USP45: variants seen among roughly 807,000 people sequenced by gnomAD.
USP45 encodes the protein ubiquitin specific peptidase 45.
Under a neutral mutation model 95.8 loss-of-function variants are expected in USP45, and 89 were observed. The ratio of observed to expected loss-of-function variants is 0.93; its 90% CI spans 0.78 to 1.11. The LOEUF is 1.11. Ranked by LOEUF, USP45 falls within the 50% of genes least tolerant of loss-of-function variation. The pLI is 0.00. For synonymous variants in USP45, 281 were observed against 316.2 expected, an observed-to-expected ratio of 0.89 and a Z score of 1.18; for missense variants, 898 against 942.5, an observed-to-expected ratio of 0.95 and a Z score of 0.62.
intron 13 of USP45, among the ~76,000 whole-genome samples, chr6:99,455,903 G>A (rs983736820): frequency 2.0e-5 from 3 of 150,718 alleles, no homozygotes; most frequent in African/African-American, 7.3e-5. Context: ...GGGAGACTGA[G>A]GCGGGTGGAT....
Position 99,468,592 on chromosome 6 carries a change from T to G in USP45, c.960A>C (p.Ala320=). The G allele has an allele frequency of 1.2e-6, 2 of 1,608,966 alleles. No individual in the cohort carries two copies. Among genetic ancestry groups the G allele is most frequent in the Non-Finnish European group, 1.7e-6 (2 of 1,176,856 alleles). The change falls in exon 10 of 18, where the codon GCA becomes GCC. Residue 320 remains alanine, a synonymous_variant. Coordinates refer to ENST00000500704, the MANE Select transcript of USP45 (RefSeq NM_001346022.3). ...CAGTTTTAGTAGTTGGGTTGTTAAA[T>G]GCTTTTAGAATGCTAGCTTGTATTC... The part of the protein sequence containing the change: ...TKRIQASILK[A]FNNPTTKTAD...
At chr6:99,439,270 A>C (rs569823633) in intron 16 of USP45, among the ~76,000 whole-genome samples, 1 of 152,346 alleles carries the variant, frequency 6.6e-6, no homozygotes, top group South Asian at 2.1e-4. Context: ...AGCAATGATA[A>C]GCCAGTCTGC....
intron 15 of USP45, among the ~76,000 whole-genome samples, chr6:99,440,551 C>A (rs747322570): frequency 4.6e-5 from 7 of 152,140 alleles, no homozygotes; most frequent in Non-Finnish European, 7.3e-5. Context: ...ATACCTAAAT[C>A]TGAAATGAAT....
rs187376267 is a variant in USP45, at chr6:99,490,966, C to T, written c.479-2146G>A. Reference sequence around the variant, plus strand: ...CCTGTGCTACAATAGTTTTTATAAACGCTATTAACTGGTTTCCCCCTATTC... The same window carrying T: ...CCTGTGCTACAATAGTTTTTATAAATGCTATTAACTGGTTTCCCCCTATTC... On this transcript the variant is annotated intron_variant, in intron 5 of 17. Transcript: ENST00000500704. Among the ~76,000 whole-genome samples the T allele has an allele frequency of 4.8e-4, 72 of 149,618 alleles. 1 individual carries two copies. The East Asian group carries it at 6.2e-3, about 13-fold the overall frequency.
intron 7 of USP45, among the ~76,000 whole-genome samples, chr6:99,485,824 A>T (rs1793744061): frequency 6.6e-6 from 1 of 152,222 alleles, no homozygotes. Flanking sequence ...GGATAGGTTT[A>T]ACACTTGAAA....
chr6:99,487,507 T>C (rs1407064846), intron 7 of USP45, among the ~76,000 whole-genome samples: 6 of 151,748 alleles, frequency 4.0e-5, no homozygotes, highest in African/African-American at 7.3e-5. Context: ...CCTTTAGATG[T>C]GGCCGGGCGT....
chr6:99,441,596 T>C (rs1348445779), intron 15 of USP45, among the ~76,000 whole-genome samples: 1 of 152,202 alleles, frequency 6.6e-6, no homozygotes, highest in East Asian at 1.9e-4. Flanking sequence ...CTAGCAGGTG[T>C]TACCAACTTA....
At chr6:99,501,073 A>G (rs1213373882) in intron 5 of USP45, among the ~76,000 whole-genome samples, 1 of 152,164 alleles carries the variant, frequency 6.6e-6, no homozygotes, top group East Asian at 1.9e-4. Flanking sequence ...CCATTCACCT[A>G]GCTGTTCAGT....
At chr6:99,463,848 A>G (rs1447631991) in intron 13 of USP45, among the ~76,000 whole-genome samples, 1 of 151,122 alleles carries the variant, frequency 6.6e-6, no homozygotes, top group Admixed American at 6.6e-5. Flanking sequence ...CAATCCATAG[A>G]CCTCTTTTAA....
rs745659900 is a variant in USP45 at position 99,446,085 on chromosome 6, G to A, written c.1687C>T (p.Arg563Cys). The change falls in exon 14 of 18, where the codon CGT becomes TGT. Residue 563 changes from arginine (R) to cysteine (C), a missense_variant. Physicochemically the swap from Arg to Cys is radical, Grantham distance 180 (BLOSUM62 -3). Transcript: ENST00000500704. ...KEMAEAISEL[R>C]LSSTVTGDQD... The stretch of plus-strand genomic sequence containing the variant: ...TCTCCAGTTACAGTGCTGCTCAAAC[G>A]AAGTTCAGAAATAGCTTCTGCCATT... 39 of 1,613,878 alleles carry A rather than the reference G, an allele frequency of 2.4e-5. No homozygotes were observed. Among genetic ancestry groups the A allele is most frequent in the Non-Finnish European group, 2.8e-5 (33 of 1,180,048 alleles).
At chr6:99,509,220 T>C (rs896756789) in intron 2 of USP45, among the ~76,000 whole-genome samples, 2 of 152,184 alleles carry the variant, frequency 1.3e-5, no homozygotes, top group African/African-American at 4.8e-5. Context: ...AGAGTTTAAA[T>C]TTTTGAACTA....
In USP45 at chr6:99,464,705, T is replaced by C; in HGVS notation, c.1207A>G (p.Ser403Gly). Residue 403 changes from serine (S) to glycine (G), a missense_variant, in exon 13 of 18, where the codon AGT (serine) becomes GGT (glycine). By Grantham distance (56) the Ser-to-Gly change is moderately conservative. Transcript: ENST00000500704. Reference protein sequence around the residue: ...LLWGRMNKYRSLRETDHDRYS... With the variant: ...LLWGRMNKYRGLRETDHDRYS... ...CGATCATGATCTGTCTCCCGTAAACTTCTATATTTATTCATTCTTCCCCAA... is the reference window on the plus strand; with the variant it reads ...CGATCATGATCTGTCTCCCGTAAACCTCTATATTTATTCATTCTTCCCCAA... The C allele has an allele frequency of 6.2e-7, 1 of 1,611,480 alleles. No homozygotes were observed. The highest frequency in any genetic ancestry group is 8.5e-7 in the Non-Finnish European group (1 of 1,179,472).
At chr6:99,479,742 C>T (rs1354647596) in intron 8 of USP45, among the ~76,000 whole-genome samples, 2 of 151,592 alleles carry the variant, frequency 1.3e-5, no homozygotes, top group Non-Finnish European at 2.9e-5. Context: ...TGTATGAAAA[C>T]TCTATAGTTA....
At chr6:99,511,527 C>A (rs1355666732) in intron 1 of USP45, among the ~76,000 whole-genome samples, 1 of 151,822 alleles carries the variant, frequency 6.6e-6, no homozygotes, top group African/African-American at 2.4e-5. Flanking sequence ...CAGCTCACTG[C>A]AGCCTCAACC....
chr6:99,453,810 A>T (rs938130978), intron 13 of USP45, among the ~76,000 whole-genome samples: 1 of 152,048 alleles, frequency 6.6e-6, no homozygotes, highest in Non-Finnish European at 1.5e-5. Context: ...AATACAAAAA[A>T]TTAGCCAGGC....
chr6:99,506,001 T>A (rs377674960), intron 4 of USP45, among the ~76,000 whole-genome samples: 2 of 152,174 alleles, frequency 1.3e-5, no homozygotes, highest in East Asian at 3.9e-4. Context: ...TTCCCTCTGT[T>A]CTTTCGTCAT....
In USP45 at chr6:99,464,744, A is replaced by G; in HGVS notation, c.1168T>C (p.Ser390Pro). The change falls in exon 13 of 18, where the codon TCA (serine) becomes CCA (proline). Residue 390 changes from serine to proline, a missense_variant. Transcript: ENST00000500704. ...ISLPIIEERV[S>P]KPLLWGRMNK... The stretch of plus-strand genomic sequence containing the variant: ...ATTCTTCCCCAAAGTAAAGGTTTTG[A>G]AACCTATGTAAATGCCACATACAGA... 6.2e-7 allele frequency: 1 copy of G among 1,601,186 alleles called. No homozygotes were observed. Among genetic ancestry groups the G allele is most frequent in the East Asian group, 2.2e-5 (1 of 44,588 alleles).
intron 13 of USP45, among the ~76,000 whole-genome samples, chr6:99,447,080 T>A (rs981694150): frequency 6.9e-4 from 94 of 135,844 alleles, no homozygotes; most frequent in African/African-American, 2.4e-3. Context: ...ATCTGTTTTT[T>A]AAACAAATTA....
chr6:99,505,961 T>C (rs1798441360), intron 4 of USP45, among the ~76,000 whole-genome samples: 1 of 152,194 alleles, frequency 6.6e-6, no homozygotes, highest in African/African-American at 2.4e-5. Flanking sequence ...GCTGTCTCCA[T>C]TGGTTCCAAT....
Sources: gnomAD v4.1 joint callset for allele counts (sites outside exome capture counted in the v4.1 genomes callset) on GRCh38, gnomAD v4.1.1 for gene constraint, MANE v1.5 for transcripts, NCBI Gene and HGNC (gene_info 2026-07-23, HGNC 2026-07-21) for gene names.